The following STAG1 variants were observed in gnomAD, a reference collection of about 807,000 sequenced individuals.
STAG1 encodes the protein cohesin subunit SA-1.
In STAG1, 26 loss-of-function variants were observed where a neutral mutation model predicts 170.9. The observed-to-expected ratio is 0.15, with a 90% CI of 0.11 to 0.21. STAG1 has a LOEUF of 0.21. STAG1 is among the 10% of genes least tolerant of loss of function. The probability of loss-of-function intolerance (pLI) is 1.00; values close to 1 mark genes in which losing one functional copy is unlikely to be tolerated. For synonymous variants in STAG1, 514 were observed against 497.7 expected, an observed-to-expected ratio of 1.03 and a Z score of -0.44; for missense variants, 964 against 1,509.5, an observed-to-expected ratio of 0.64 and a Z score of 5.99.
intron 27 of STAG1, among the ~76,000 whole-genome samples, chr3:136,358,126 C>T (rs1443487612): frequency 6.7e-6 from 1 of 148,320 alleles, no homozygotes; most frequent in East Asian, 2.0e-4. Flanking sequence ...CTCACTGTGT[C>T]GCCCAGGTTG....
intron 3 of STAG1, among the ~76,000 whole-genome samples, chr3:136,622,014 A>G (rs1304481043): frequency 7.1e-6 from 1 of 140,858 alleles, no homozygotes; most frequent in African/African-American, 2.6e-5. Flanking sequence ...AAAAAAAAAG[A>G]GGGCTGGGTG....
At chr3:136,363,187 C>T (rs1459700662) in intron 26 of STAG1, among the ~76,000 whole-genome samples, 179 bp downstream of exon 26, 3 of 151,946 alleles carry the variant, frequency 2.0e-5, no homozygotes, top group African/African-American at 7.2e-5. Flanking sequence ...GGATTTTCTT[C>T]CAAAAGAAAA....
intron 1 of STAG1, among the ~76,000 whole-genome samples, chr3:136,707,280 G>A (rs773287276): frequency 6.6e-5 from 10 of 152,108 alleles, no homozygotes; most frequent in Non-Finnish European, 1.3e-4. Context: ...CTCACAAAAT[G>A]AGAGAAAATA....
At chr3:136,558,702 A>G (rs1401567024) in intron 5 of STAG1, among the ~76,000 whole-genome samples, 2 of 152,244 alleles carry the variant, frequency 1.3e-5, no homozygotes, top group Admixed American at 1.3e-4. Context: ...CAACTACTTC[A>G]GAGAAATTTG....
At chr3:136,668,302 ATT>A (rs1380034320) in intron 1 of STAG1, among the ~76,000 whole-genome samples, 1 of 144,034 alleles carries the variant, frequency 6.9e-6, no homozygotes, top group Middle Eastern at 3.3e-3. Context: ...TATAATATAT[ATT>A]ATACATGACA....
At chr3:136,410,307 G>C (rs1196513786) in intron 21 of STAG1, among the ~76,000 whole-genome samples, 3 of 151,818 alleles carry the variant, frequency 2.0e-5, no homozygotes, top group Non-Finnish European at 2.9e-5. Flanking sequence ...GGCTGAGGCA[G>C]GAGAATTGCC....
intron 4 of STAG1, among the ~76,000 whole-genome samples, chr3:136,586,269 C>T (rs1418083131): frequency 6.6e-6 from 1 of 151,918 alleles, no homozygotes; most frequent in Non-Finnish European, 1.5e-5. Flanking sequence ...CACACACACA[C>T]ACACACATCA....
intron 1 of STAG1, among the ~76,000 whole-genome samples, chr3:136,718,301 A>T (rs964821462): frequency 2.6e-5 from 4 of 152,156 alleles, no homozygotes; most frequent in Non-Finnish European, 5.9e-5. Flanking sequence ...CTGGGTAAAA[A>T]TTATGTGAGG....
intron 5 of STAG1, among the ~76,000 whole-genome samples, chr3:136,556,121 AT>A (rs1187415708): frequency 1.3e-5 from 2 of 152,240 alleles, no homozygotes; most frequent in Admixed American, 6.5e-5. Context: ...CTCTAAAAAA[AT>A]AAACTCTATT....
At chr3:136,530,071 G>A (rs181171969) in intron 6 of STAG1, among the ~76,000 whole-genome samples, 2 of 152,160 alleles carry the variant, frequency 1.3e-5, no homozygotes, top group South Asian at 2.1e-4. Context: ...GAAATGAAAA[G>A]TGAGCAAGAA....
chr3:136,430,216 C>A (rs1252294740), intron 16 of STAG1: 2 of 152,188 alleles, frequency 1.3e-5, no homozygotes, highest in Non-Finnish European at 2.9e-5. Context: ...GTCAGTGCCA[C>A]TAACCCCTGC....
chr3:136,466,310 G>T (rs925935499), intron 12 of STAG1, among the ~76,000 whole-genome samples: 4 of 152,180 alleles, frequency 2.6e-5, no homozygotes, highest in Non-Finnish European at 5.9e-5. Flanking sequence ...GTCCTTAAAT[G>T]ACCTGATGGA....
At chr3:136,711,389 G>A (rs1049721512) in intron 1 of STAG1, among the ~76,000 whole-genome samples, 6 of 151,976 alleles carry the variant, frequency 3.9e-5, no homozygotes, top group Admixed American at 2.0e-4. Context: ...GGGAGCTCTC[G>A]TCTCTACAAA....
intron 13 of STAG1, among the ~76,000 whole-genome samples, chr3:136,458,792 T>C (rs1390982553): frequency 1.3e-5 from 2 of 152,018 alleles, no homozygotes; most frequent in Non-Finnish European, 1.5e-5. Context: ...ACTCACTTCA[T>C]CTATAAAGAC....
intron 9 of STAG1, among the ~76,000 whole-genome samples, chr3:136,479,098 T>C (rs1392033541): frequency 2.0e-5 from 3 of 150,758 alleles, no homozygotes; most frequent in Non-Finnish European, 4.4e-5. Flanking sequence ...TTATTATACT[T>C]TAAGTTTTAG....
At chr3:136,340,637 A>C in intron 31 of STAG1, 32 bp from the exon 32 acceptor site, 32 of 1,397,340 alleles carry the variant, frequency 2.3e-5, no homozygotes, top group Non-Finnish European at 3.1e-5. Flanking sequence ...CAGAAAGCTC[A>C]TCAGACTCCA....
chr3:136,581,213 A>G (rs1221549329), intron 4 of STAG1, among the ~76,000 whole-genome samples: 3 of 152,174 alleles, frequency 2.0e-5, no homozygotes, highest in Non-Finnish European at 2.9e-5. Context: ...TGTTCAAGTG[A>G]TCCATCTGCC....
chr3:136,592,646 A>G (rs896247303), intron 4 of STAG1, among the ~76,000 whole-genome samples: 1 of 152,160 alleles, frequency 6.6e-6, no homozygotes, highest in Non-Finnish European at 1.5e-5. Context: ...TGCCAGCAAC[A>G]ATGGCCACCA....
chr3:136,629,475 T>C (rs904478448), intron 2 of STAG1, among the ~76,000 whole-genome samples: 1 of 152,034 alleles, frequency 6.6e-6, no homozygotes, highest in Non-Finnish European at 1.5e-5. Context: ...ATGGTATTTA[T>C]ACCATATTTA....
Sources: gnomAD v4.1 joint callset for allele counts (sites outside exome capture counted in the v4.1 genomes callset) on GRCh38, gnomAD v4.1.1 for gene constraint, MANE v1.5 for transcripts, NCBI Gene and HGNC (gene_info 2026-07-23, HGNC 2026-07-21) for gene names.